Variants in RACGAP1 observed in about 807,000 individuals in gnomAD.
RACGAP1 encodes the protein Rac GTPase activating protein 1, also known as rac GTPase-activating protein 1.
A neutral mutation model predicts 78.1 loss-of-function variants in RACGAP1; 30 were observed. The ratio of observed to expected loss-of-function variants is 0.38; its 90% confidence interval spans 0.29 to 0.52. The LOEUF (loss-of-function observed/expected upper bound fraction) is 0.52, where lower values mean the gene tolerates loss of function less well. RACGAP1 is among the 20% of genes least tolerant of loss of function. The probability of loss-of-function intolerance (pLI) is 0.82; values close to 1 mark genes in which losing one functional copy is unlikely to be tolerated. For missense variants in RACGAP1, 587 were observed against 777.1 expected, an observed-to-expected ratio of 0.76 and a Z score of 2.91; for synonymous variants, 231 against 264.8, an observed-to-expected ratio of 0.87 and a Z score of 1.24.
intron 1 of RACGAP1, among the ~76,000 whole-genome samples, chr12:50,017,695 T>G (rs1949756808): frequency 6.6e-6 from 1 of 152,248 alleles, no homozygotes; most frequent in Non-Finnish European, 1.5e-5. Context: ...TAAAGGATTC[T>G]TGTGTTTCTC....
At chr12:49,994,609 G>A (rs776042689) in intron 10 of RACGAP1, 100 bp from the exon 11 acceptor site, 10 of 1,470,180 alleles carry the variant, frequency 6.8e-6, no homozygotes, top group African/African-American at 1.4e-5. Flanking sequence ...TCTCAAACTG[G>A]GACATCATGT....
At chr12:49,992,712 T>G (rs1334400239) in intron 12 of RACGAP1, 57 bp from the exon 13 acceptor site, 7 of 1,382,842 alleles carry the variant, frequency 5.1e-6, no homozygotes, top group Non-Finnish European at 7.1e-6. Context: ...GACAGCGGGC[T>G]TCCAAGTTAT....
chr12:50,019,701 A>AATAAATAAATAAATAG (rs1454417110), intron 1 of RACGAP1: 33 of 150,240 alleles, frequency 2.2e-4, no homozygotes, highest in African/African-American at 8.0e-4. Flanking sequence ...TCTTAAAATA[A>AATAAATAAATAAATAG]ATAAATAAAT....
chr12:50,033,089 C>CCA (rs1024396214), exon 1 of RACGAP1: 3 of 152,402 alleles, frequency 2.0e-5, no homozygotes, highest in African/African-American at 7.2e-5. Context: ...AACCGTCTGG[C>CCA]CACAGCCCGA....
chr12:50,010,619 G>A (rs369554052), intron 2 of RACGAP1, among the ~76,000 whole-genome samples: 3 of 151,388 alleles, frequency 2.0e-5, no homozygotes, highest in African/African-American at 4.8e-5. Flanking sequence ...CACTTTGCCC[G>A]GCCCGGACTT....
chr12:50,002,380 C>G, intron 5 of RACGAP1, 80 bp from the exon 6 acceptor site: 1 of 1,236,722 alleles, frequency 8.1e-7, no homozygotes, highest in Non-Finnish European at 1.2e-6. Flanking sequence ...TTACAGAGAA[C>G]TTTAAAGGCT....
chr12:50,016,268 T>C (rs1356742714), intron 2 of RACGAP1, among the ~76,000 whole-genome samples: 1 of 151,948 alleles, frequency 6.6e-6, no homozygotes, highest in African/African-American at 2.4e-5. Context: ...CTGTAATCCC[T>C]GCTACTCGAG....
Position 50,002,246 on chromosome 12 carries a change from C to T in RACGAP1, c.549+1G>A, listed in dbSNP as rs1948728594. Reference sequence around the variant, plus strand: ...AAAAAGACTAAACAAATCATACATACCCTCTTTTCTCTCTTCTTCAGTTTG... The same window carrying T: ...AAAAAGACTAAACAAATCATACATATCCTCTTTTCTCTCTTCTTCAGTTTG... On this transcript the variant is annotated splice_donor_variant, in intron 6 of 16. Coordinates refer to ENST00000312377, the MANE Select transcript of RACGAP1 (RefSeq NM_001319999.2). LOFTEE classifies it high-confidence loss of function. The T allele has an allele frequency of 6.2e-7, 1 of 1,612,778 alleles. No homozygotes were observed. The highest frequency in any genetic ancestry group is 2.2e-5 in the East Asian group (1 of 44,844).
chr12:50,018,635 T>C (rs1170748263), intron 1 of RACGAP1: 2 of 1,059,178 alleles, frequency 1.9e-6, no homozygotes, highest in Non-Finnish European at 2.6e-6. Context: ...TAATATAAGG[T>C]ATTACTTTCT....
chr12:50,009,071 G>C (rs1592186039), intron 2 of RACGAP1, among the ~76,000 whole-genome samples: 1 of 151,772 alleles, frequency 6.6e-6, no homozygotes, highest in Non-Finnish European at 1.5e-5. Flanking sequence ...GAGGTCAGTA[G>C]TTCAAGGCCA....
intron 1 of RACGAP1, among the ~76,000 whole-genome samples, chr12:50,018,082 T>A (rs1949779126): frequency 6.7e-6 from 1 of 148,502 alleles, no homozygotes; most frequent in African/African-American, 2.5e-5. Flanking sequence ...CGCTTGAACC[T>A]GGGAGGCAGA....
intron 2 of RACGAP1, among the ~76,000 whole-genome samples, chr12:50,031,330 T>A (rs931317840): frequency 6.6e-6 from 1 of 150,684 alleles, no homozygotes; most frequent in Non-Finnish European, 1.5e-5. Flanking sequence ...TACAAAAAAA[T>A]TAGCCGGCCA....
intron 2 of RACGAP1, among the ~76,000 whole-genome samples, chr12:50,015,808 A>T (rs961132374): frequency 6.7e-6 from 1 of 149,514 alleles, no homozygotes; most frequent in Admixed American, 6.6e-5. Flanking sequence ...TCTCAAAAAT[A>T]AAAAAAAAAT....
chr12:50,005,183 G>T lies in RACGAP1; in HGVS notation c.425+73C>A, dbSNP rs889748348. The T allele has an allele frequency of 1.1e-4, 169 of 1,585,588 alleles. 1 individual carries two copies. Among genetic ancestry groups the T allele is most frequent in the Non-Finnish European group, 1.1e-4 (123 of 1,163,918 alleles). ...CACATTCTAGAAGAAGTATATTTAA[G>T]AATTCAGATAACAAGAATATCTGAC... On this transcript the variant is annotated intron_variant, in intron 4 of 16. Coordinates refer to ENST00000312377, the MANE Select transcript of RACGAP1 (RefSeq NM_001319999.2).
At chr12:50,012,178 G>A (rs1266140517) in intron 2 of RACGAP1, among the ~76,000 whole-genome samples, 1 of 152,032 alleles carries the variant, frequency 6.6e-6, no homozygotes, top group Admixed American at 6.6e-5. Flanking sequence ...TGTAATCCCA[G>A]CACTTTGGGA....
chr12:49,997,432 G>A (rs1948373583), intron 9 of RACGAP1, among the ~76,000 whole-genome samples: 2 of 151,568 alleles, frequency 1.3e-5, no homozygotes, highest in Non-Finnish European at 2.9e-5. Flanking sequence ...CCACCACTAC[G>A]CCCAGCTAAT....
At chr12:50,002,072 G>GAAAAAAAAAA (rs79466036) in intron 6 of RACGAP1, among the ~76,000 whole-genome samples, 175 bp downstream of exon 6, 3 of 87,222 alleles carry the variant, frequency 3.4e-5, no homozygotes, top group Non-Finnish European at 5.0e-5. Context: ...TCAAAAAAAA[G>GAAAAAAAAAA]AAAAAAAAAA....
chr12:50,013,269 C>T (rs1388221568), intron 2 of RACGAP1, among the ~76,000 whole-genome samples: 1 of 152,104 alleles, frequency 6.6e-6, no homozygotes, highest in African/African-American at 2.4e-5. Context: ...CAACTAATAT[C>T]TCAATTTATG....
intron 16 of RACGAP1, 126 bp from the exon 17 acceptor site, chr12:49,990,469 C>A: frequency 1.1e-6 from 1 of 875,840 alleles, no homozygotes. Flanking sequence ...GCAATAGTTG[C>A]TTAAGTATTC....
Sources: allele counts gnomAD v4.1 joint callset (sites outside exome capture counted in the v4.1 genomes callset), GRCh38; gene constraint gnomAD v4.1.1; transcripts MANE v1.5; gene names NCBI Gene and HGNC (gene_info 2026-07-23, HGNC 2026-07-21).